The following ACADS variants were observed in gnomAD, a reference collection of about 807,000 sequenced individuals.
ACADS encodes acyl-CoA dehydrogenase short chain, also known as short-chain specific acyl-CoA dehydrogenase, mitochondrial.
In ACADS, 28 loss-of-function variants were observed where a neutral mutation model predicts 46.8. That is an observed-to-expected ratio of 0.60 (90% CI 0.44 to 0.82). ACADS has a LOEUF of 0.82. ACADS is among the 40% of genes least tolerant of loss of function. The pLI is 0.00. For synonymous variants in ACADS, 236 were observed against 237.7 expected (o/e 0.99, Z 0.07); for missense variants, 528 against 578.0 (o/e 0.91, Z 0.89).
Position 120,728,996 on chromosome 12 carries a change from T to C in ACADS, c.210+1807T>C, listed in dbSNP as rs1270982861. Among the ~76,000 whole-genome samples the C allele has an allele frequency of 6.6e-6, 1 of 152,184 alleles. No individual in the cohort carries two copies. The highest frequency in any genetic ancestry group is 2.4e-5 in the African/African-American group (1 of 41,444). ...CCACCAGGCTCAGCCTCATCAGTGC[T>C]GTTGCCTCTTCTCAGGGTGCAGGTC... is the stretch of plus-strand genomic sequence containing the variant. On this transcript the variant is annotated intron_variant, in intron 2 of 9. Transcript: ENST00000242592. This position sits in a 1 kb window ranked among gnomAD's most constrained non-coding sequence, Gnocchi z 4.0.
intron 2 of ACADS, among the ~76,000 whole-genome samples, chr12:120,734,793 C>G (rs1247735367): frequency 1.3e-5 from 2 of 149,242 alleles, no homozygotes; most frequent in Admixed American, 6.7e-5. Context: ...GCTCTGTCGC[C>G]CAGACTGGAG....
intron 2 of ACADS, 53 bp downstream of exon 2, chr12:120,727,242 A>G: frequency 6.2e-7 from 1 of 1,602,202 alleles, no homozygotes; most frequent in Non-Finnish European, 8.6e-7. Flanking sequence ...CTGCTACTGG[A>G]TGAATGGTGG....
intron 2 of ACADS, among the ~76,000 whole-genome samples, chr12:120,732,327 C>T (rs1883275956): frequency 6.6e-6 from 1 of 151,656 alleles, no homozygotes; most frequent in Non-Finnish European, 1.5e-5. Context: ...CAACCTCCCT[C>T]CCGGACGGGG....
At chr12:120,736,221 A>G (rs543359664) in intron 2 of ACADS, among the ~76,000 whole-genome samples, 8 of 152,184 alleles carry the variant, frequency 5.3e-5, no homozygotes, top group African/African-American at 1.9e-4. Context: ...GCCTCAAGCA[A>G]TCCCCTCACC....
Position 120,737,855 on chromosome 12 carries a change from G to A in ACADS, c.491G>A (p.Gly164Glu). The change falls in exon 5 of 10, where the codon GGA (glycine) becomes GAA (glutamate). Residue 164 changes from glycine to glutamate, a missense_variant. Coordinates refer to ENST00000242592, the MANE Select transcript of ACADS (RefSeq NM_000017.4). The part of the protein sequence containing the change: ...LSEPGNGSDA[G>E]AASTTARAEG... The stretch of plus-strand genomic sequence containing the variant: ...TGGGCAGGGAACGGCAGTGATGCAG[G>A]AGCTGCGTCCACCACCGCCCGGGCC... 3.7e-6 allele frequency: 6 copies of A among 1,613,918 alleles called. No individual in the cohort carries two copies. The highest frequency in any genetic ancestry group is 5.1e-6 in the Non-Finnish European group (6 of 1,179,890).
In ACADS at chr12:120,738,346, C is replaced by T; in HGVS notation, c.691C>T (p.Leu231=). 1 of 1,614,212 alleles carries T rather than the reference C, an allele frequency of 6.2e-7. No individual in the cohort carries two copies. The highest frequency in any genetic ancestry group is 8.5e-7 in the Non-Finnish European group (1 of 1,180,042). Reference sequence around the variant, plus strand: ...CACGTTGGGGAAGAAAGAAGACAAGCTGGGCATCCGGGGCTCATCCACGGC... The same window carrying T: ...CACGTTGGGGAAGAAAGAAGACAAGTTGGGCATCCGGGGCTCATCCACGGC... The part of the protein sequence containing the change: ...GLTLGKKEDK[L]GIRGSSTANL... The change falls in exon 6 of 10, where the codon CTG becomes TTG. Residue 231 remains leucine, a synonymous_variant. Transcript: ENST00000242592.
At position 120,731,635 on chromosome 12, in the gene ACADS, T is replaced by C. The variant is rs190137841; in HGVS notation, c.210+4446T>C. Among the ~76,000 whole-genome samples, 772 of 152,168 alleles carry C rather than the reference T, an allele frequency of 5.1e-3. 6 individuals carry two copies. The highest frequency in any genetic ancestry group is 0.018 in the African/African-American group (747 of 41,518). On this transcript the variant is annotated intron_variant, in intron 2 of 9. Transcript: ENST00000242592. Reference sequence around the variant, plus strand: ...ACGCCTGGCTAATTCTTGTATTTATTTTATTTTATTTTATTTTTTTTATTG... The same window carrying C: ...ACGCCTGGCTAATTCTTGTATTTATCTTATTTTATTTTATTTTTTTTATTG...
At position 120,726,020 on chromosome 12, in the gene ACADS, G is replaced by T. The variant is rs538488918; in HGVS notation, c.46+89G>T. 2.2e-6 allele frequency: 3 copies of T among 1,335,548 alleles called. No individual in the cohort carries two copies. In the East Asian group the frequency reaches 8.6e-5, roughly 38 times the overall value. 82.7% of individuals were successfully genotyped at this position (1,335,548 alleles called of 1,614,324 possible). ...CCTGGCGGCCGGCTCTGTCAGAGCC[G>T]CTGGCAGGCGGAGCCCCACTCCGGG... On this transcript the variant is annotated intron_variant, in intron 1 of 9. Coordinates refer to ENST00000242592, the MANE Select transcript of ACADS (RefSeq NM_000017.4).
At chr12:120,725,982 A>G (rs1048318557) in intron 1 of ACADS, 51 bp downstream of exon 1, 2 of 1,488,194 alleles carry the variant, frequency 1.3e-6, no homozygotes, top group Non-Finnish European at 1.8e-6. Context: ...CGTCTGGCCC[A>G]GCGGGCGGAG....
At chr12:120,725,991 A>AGGTCCTGGCGG in intron 1 of ACADS, 60 bp downstream of exon 1, 1 of 1,469,406 alleles carries the variant, frequency 6.8e-7, no homozygotes, top group Non-Finnish European at 9.0e-7. Context: ...CAGCGGGCGG[A>AGGTCCTGGCGG]GGTCCTGGCG....
intron 2 of ACADS, among the ~76,000 whole-genome samples, chr12:120,730,588 C>T (rs1001819769): frequency 2.0e-5 from 3 of 152,154 alleles, no homozygotes; most frequent in Admixed American, 2.0e-4. Context: ...CCTCATTCTG[C>T]TACCTGTCGG....
chr12:120,727,010 C>G lies in ACADS; in HGVS notation c.47-16C>G. Reference sequence around the variant, plus strand: ...TCCTGCCTCCTCCTTCCACTCACTTCTGCCCTTGCCGGCAGCTCTCTGTCC... The same window carrying G: ...TCCTGCCTCCTCCTTCCACTCACTTGTGCCCTTGCCGGCAGCTCTCTGTCC... On this transcript the variant is annotated splice_polypyrimidine_tract_variant and intron_variant, in intron 1 of 9. Transcript: ENST00000242592. The G allele has an allele frequency of 2.5e-6, 4 of 1,614,072 alleles. No individual in the cohort carries two copies. In the South Asian group the frequency reaches 4.4e-5, roughly 18 times the overall value.
At chr12:120,730,078 G>C (rs1883206112) in intron 2 of ACADS, among the ~76,000 whole-genome samples, 2 of 152,056 alleles carry the variant, frequency 1.3e-5, no homozygotes, top group African/African-American at 4.8e-5. Context: ...TGCCTCCTGG[G>C]TTCAAGCAAT....
chr12:120,728,787 G>A lies in ACADS; in HGVS notation c.210+1598G>A, dbSNP rs1426461691. 2.6e-5 allele frequency among the ~76,000 whole-genome samples: 4 copies of A among 152,144 alleles called. No homozygotes were observed. The highest frequency in any genetic ancestry group is 7.2e-5 in the African/African-American group (3 of 41,410). Reference sequence around the variant, plus strand: ...CTCGCAAAGTGCTGGGATTACAGGCGTGAGCCACCACACCCGGCCTTAAAA... The same window carrying A: ...CTCGCAAAGTGCTGGGATTACAGGCATGAGCCACCACACCCGGCCTTAAAA... On this transcript the variant is annotated intron_variant, in intron 2 of 9. Transcript: ENST00000242592. This position sits in a 1 kb window ranked among gnomAD's most constrained non-coding sequence, Gnocchi z 4.0.
rs369840561 is a variant in ACADS, at chr12:120,739,407, C to G, written c.1198C>G (p.Leu400Val). ...IYEGTSEIQR[L>V]VIAGHLLRSY... ...CGAGGGCACCAGCGAAATCCAGCGG[C>G]TGGTGATCGCCGGGCATCTGCTCAG... The change falls in exon 10 of 10, where the codon CTG (leucine) becomes GTG (valine). Residue 400 changes from leucine to valine, a missense_variant. Transcript: ENST00000242592. The G allele has an allele frequency of 2.0e-5, 32 of 1,612,202 alleles. No homozygotes were observed. The Admixed American group carries it at 5.3e-4, about 27-fold the overall frequency.
chr12:120,731,309 TATC>T (rs1883240571), intron 2 of ACADS, among the ~76,000 whole-genome samples: 1 of 151,944 alleles, frequency 6.6e-6, no homozygotes, highest in African/African-American at 2.4e-5. Context: ...GAAACAGGGG[TATC>T]ATCATGTTGG....
chr12:120,739,102 C>T, intron 8 of ACADS, 38 bp from the exon 9 acceptor site: 2 of 1,612,868 alleles, frequency 1.2e-6, no homozygotes, highest in Non-Finnish European at 1.7e-6. Flanking sequence ...TGGAGGGGTC[C>T]CCTCAAGGGA....
At chr12:120,737,649 T>C in intron 4 of ACADS, 182 bp downstream of exon 4, 1 of 1,082,418 alleles carries the variant, frequency 9.2e-7, no homozygotes, top group Non-Finnish European at 1.3e-6. Flanking sequence ...GTCCCCTGGT[T>C]TAAGACGCCA....
chr12:120,733,236 G>GGGGAGAGGGAGA (rs377205641), intron 2 of ACADS, among the ~76,000 whole-genome samples: 4 of 151,724 alleles, frequency 2.6e-5, no homozygotes, highest in South Asian at 2.1e-4. Flanking sequence ...GGGAGACCGG[G>GGGGAGAGGGAGA]GGGAGAGGGA....
Sources: gnomAD v4.1 joint callset for allele counts (sites outside exome capture counted in the v4.1 genomes callset) on GRCh38, gnomAD v4.1.1 for gene constraint, Gnocchi (gnomAD v3.1) non-coding constraint, MANE v1.5 for transcripts, NCBI Gene and HGNC (gene_info 2026-07-23, HGNC 2026-07-21) for gene names.